The following SEL1L2 variants were observed in gnomAD, a reference collection of about 807,000 sequenced individuals.
The protein encoded by SEL1L2 is SEL1L2 adaptor subunit of SYVN1 ubiquitin ligase, also known as protein sel-1 homolog 2.
A neutral mutation model predicts 98.8 loss-of-function variants in SEL1L2; 89 were observed. That is an observed-to-expected ratio of 0.90 (90% confidence interval 0.76 to 1.07). The LOEUF is 1.07. Among genes scored for constraint, SEL1L2 ranks in the 50% least tolerant of loss-of-function variants. SEL1L2 has a pLI of 0.00. For synonymous variants in SEL1L2, 262 were observed against 278.5 expected, an observed-to-expected ratio of 0.94 and a Z score of 0.59; for missense variants, 788 against 812.0, an observed-to-expected ratio of 0.97 and a Z score of 0.36.
At chr20:13,876,164 G>A in intron 11 of SEL1L2, 49 bp from the exon 12 acceptor site, 1 of 1,300,908 alleles carries the variant, frequency 7.7e-7, no homozygotes, top group South Asian at 1.2e-5. Flanking sequence ...TAATTTGAGA[G>A]TAATGCAAAT....
At chr20:13,884,492 A>G (rs1196426703) in intron 10 of SEL1L2, among the ~76,000 whole-genome samples, 2 of 151,994 alleles carry the variant, frequency 1.3e-5, no homozygotes, top group Admixed American at 6.6e-5. Flanking sequence ...TGAATGGTTA[A>G]TTAACTTATT....
At chr20:13,945,754 AT>A (rs1310094581) in intron 2 of SEL1L2, among the ~76,000 whole-genome samples, 1 of 152,088 alleles carries the variant, frequency 6.6e-6, no homozygotes, top group South Asian at 2.1e-4. Flanking sequence ...ACCAAGTGGG[AT>A]TTTTTTCTGA....
intron 8 of SEL1L2, among the ~76,000 whole-genome samples, chr20:13,886,971 T>G (rs1446339242): frequency 6.6e-6 from 1 of 152,144 alleles, no homozygotes; most frequent in Non-Finnish European, 1.5e-5. Context: ...TCAACTTATA[T>G]CAGACTCTAC....
At chr20:13,866,902 T>C (rs185002699) in intron 14 of SEL1L2, 52 bp from the exon 15 acceptor site, 2 of 1,510,144 alleles carry the variant, frequency 1.3e-6, no homozygotes, top group African/African-American at 2.8e-5. Context: ...ATTTTTTATA[T>C]TATAATCTAT....
chr20:13,859,264 T>C lies in SEL1L2; in HGVS notation c.1816A>G (p.Lys606Glu). The C allele has an allele frequency of 6.2e-7, 1 of 1,613,804 alleles. No individual in the cohort carries two copies. The highest frequency in any genetic ancestry group is 8.5e-7 in the Non-Finnish European group (1 of 1,179,794). ...TGAATTATTACCAGCAAAATTACCT[T>C]TGTGATGCCTAAGCCGTGTTCATAC... The part of the protein sequence containing the change: ...YMYEHGLGIT[K>E]DIHLARRLYD... The change falls in exon 18 of 20, where the codon AAG (lysine) becomes GAG (glutamate). Residue 606 changes from lysine (K) to glutamate (E), a missense_variant and splice_region_variant. Lys to Glu is a moderately conservative substitution (Grantham distance 56, BLOSUM62 1). Coordinates refer to ENST00000284951, the MANE Select transcript of SEL1L2 (RefSeq NM_025229.2).
At chr20:13,922,939 G>A (rs1356153116) in intron 3 of SEL1L2, among the ~76,000 whole-genome samples, 1 of 152,154 alleles carries the variant, frequency 6.6e-6, no homozygotes, top group Non-Finnish European at 1.5e-5. Context: ...GGTTTCAGGA[G>A]AGGTTTAGAG....
chr20:13,965,601 A>G (rs190261628), intron 1 of SEL1L2, among the ~76,000 whole-genome samples: 29 of 152,244 alleles, frequency 1.9e-4, no homozygotes, highest in African/African-American at 6.5e-4. Context: ...ATTTCCGTCT[A>G]CCCTTAGAAT....
chr20:13,907,696 CTTTCTCTTTCTT>C (rs1488998741), intron 5 of SEL1L2, among the ~76,000 whole-genome samples: 1 of 138,696 alleles, frequency 7.2e-6, no homozygotes, highest in Non-Finnish European at 1.6e-5. Context: ...TTCTTTCTTT[CTTTCTCTTTCTT>C]TCTTTCTTTC....
At position 13,984,625 on chromosome 20, in the gene SEL1L2, C is replaced by T. The variant is rs538673904; in HGVS notation, c.58+5852G>A. On this transcript the variant is annotated intron_variant, in intron 1 of 19. Coordinates refer to ENST00000284951, the MANE Select transcript of SEL1L2 (RefSeq NM_025229.2). ...TGTCACCAGAGTTATACAGTGACAT[C>T]CAATCCTCTACTGCCAAAGTCTCTC... Among the ~76,000 whole-genome samples the T allele has an allele frequency of 3.9e-5, 6 of 152,242 alleles. No individual in the cohort carries two copies. The South Asian group carries it at 1.2e-3, about 32-fold the overall frequency.
intron 10 of SEL1L2, among the ~76,000 whole-genome samples, chr20:13,879,271 A>G (rs1458566311): frequency 6.6e-6 from 1 of 152,236 alleles, no homozygotes; most frequent in Non-Finnish European, 1.5e-5. Context: ...TAGAACATCC[A>G]AAAGCTAAGA....
chr20:13,951,598 C>CAA (rs36150346), intron 2 of SEL1L2, among the ~76,000 whole-genome samples: 2 of 2,678 alleles, frequency 7.5e-4, no homozygotes, highest in Non-Finnish European at 1.2e-3. Flanking sequence ...GACTCTGTCT[C>CAA]AAAAAAAAAA....
Position 13,856,165 on chromosome 20 carries a change from AG to A in SEL1L2, c.1818+3096del, listed in dbSNP as rs546810341. Among the ~76,000 whole-genome samples the A allele has an allele frequency of 1.9e-4, 29 of 151,820 alleles. No homozygotes were observed. The South Asian group carries it at 5.8e-3, about 30-fold the overall frequency. The stretch of plus-strand genomic sequence containing the variant: ...GTTTTTTGGGGTTTTTTTTTTTAAG[AG>A]GGAACCTCGCTCTGTCACCCAGGCT... On this transcript the variant is annotated intron_variant, in intron 18 of 19. Transcript: ENST00000284951.
At chr20:13,983,936 G>C (rs1360888188) in intron 1 of SEL1L2, among the ~76,000 whole-genome samples, 1 of 151,852 alleles carries the variant, frequency 6.6e-6, no homozygotes, top group East Asian at 1.9e-4. Flanking sequence ...CCTGAACACT[G>C]CCACAATCCA....
Position 13,859,352 on chromosome 20 carries a change from T to C in SEL1L2, c.1728A>G (p.Thr576=), listed in dbSNP as rs1335541480. 2 of 1,614,046 alleles carry C rather than the reference T, an allele frequency of 1.2e-6. No individual in the cohort carries two copies. The highest frequency in any genetic ancestry group is 1.7e-6 in the Non-Finnish European group (2 of 1,180,022). Residue 576 remains threonine, a synonymous_variant, in exon 18 of 20, where the codon ACA becomes ACG. Transcript: ENST00000284951. ...ATTTGTTGGCTGCAATGCTGTAGTG[T>C]GTGGCTGCTGTTTGATAGTCTTTCT... ...GTKKDYQTAA[T]HYSIAANKYH...
chr20:13,987,438 G>A (rs1387671163), intron 1 of SEL1L2, among the ~76,000 whole-genome samples: 1 of 150,696 alleles, frequency 6.6e-6, no homozygotes, highest in East Asian at 2.0e-4. Context: ...CTCTGCCTCC[G>A]GGGTTCAAGC....
chr20:13,884,079 AC>A (rs1200743087), intron 10 of SEL1L2, among the ~76,000 whole-genome samples: 1 of 152,240 alleles, frequency 6.6e-6, no homozygotes, highest in East Asian at 1.9e-4. Flanking sequence ...TTCGACATTT[AC>A]CTGATGTTTA....
intron 10 of SEL1L2, 91 bp downstream of exon 10, chr20:13,885,256 A>G: frequency 1.2e-6 from 1 of 822,106 alleles, no homozygotes; most frequent in South Asian, 1.4e-5. Flanking sequence ...CAACTCTTCC[A>G]CCTCTCCCTC....
intron 2 of SEL1L2, among the ~76,000 whole-genome samples, chr20:13,942,833 T>A (rs1188679487): frequency 1.3e-5 from 2 of 152,194 alleles, no homozygotes; most frequent in African/African-American, 4.8e-5. Context: ...ATTAACTGTT[T>A]TAGTAGTTTT....
intron 15 of SEL1L2, among the ~76,000 whole-genome samples, chr20:13,866,036 G>A (rs1827482000): frequency 6.6e-6 from 1 of 152,184 alleles, no homozygotes; most frequent in African/African-American, 2.4e-5. Context: ...TAGCCCTTAT[G>A]TAACCAAAAG....
Sources: allele counts gnomAD v4.1 joint callset (sites outside exome capture counted in the v4.1 genomes callset), GRCh38; gene constraint gnomAD v4.1.1; transcripts MANE v1.5; gene names NCBI Gene and HGNC (gene_info 2026-07-23, HGNC 2026-07-21).